Variants in LAMA2 observed in about 807,000 individuals in gnomAD.
LAMA2 encodes the protein laminin subunit alpha-2.
A neutral mutation model predicts 364.8 loss-of-function variants in LAMA2; 269 were observed. The observed-to-expected ratio is 0.74, with a 90% confidence interval of 0.67 to 0.82. LAMA2 has a LOEUF of 0.82. LAMA2 is among the 40% of genes least tolerant of loss of function. LAMA2 has a pLI of 0.00. For synonymous variants in LAMA2, 1,379 were observed against 1,370.6 expected (o/e 1.01, Z -0.14); for missense variants, 3,807 against 3,873.2 (o/e 0.98, Z 0.45).
chr6:129,135,858 C>T (rs994680295), intron 4 of LAMA2, among the ~76,000 whole-genome samples: 1 of 152,160 alleles, frequency 6.6e-6, no homozygotes, highest in Non-Finnish European at 1.5e-5. Context: ...GATTGAGAAG[C>T]TCTATTTTGA....
At chr6:129,183,434 T>C (rs761939534) in intron 10 of LAMA2, among the ~76,000 whole-genome samples, 1 of 151,964 alleles carries the variant, frequency 6.6e-6, no homozygotes, top group Non-Finnish European at 1.5e-5. Context: ...GTCTGTATTT[T>C]CATCTTGTTT....
At chr6:129,474,654 C>A (rs1257072616) in intron 52 of LAMA2, among the ~76,000 whole-genome samples, 6 of 151,990 alleles carry the variant, frequency 3.9e-5, no homozygotes, top group African/African-American at 1.4e-4. Flanking sequence ...TTAAATACAG[C>A]CAAACCTAAG....
chr6:129,156,452 T>A (rs1200453011), intron 8 of LAMA2, among the ~76,000 whole-genome samples: 1 of 152,030 alleles, frequency 6.6e-6, no homozygotes, highest in African/African-American at 2.4e-5. Flanking sequence ...TTAAATAATT[T>A]TCCAATTATT....
chr6:129,085,691 G>A (rs1252647081), intron 3 of LAMA2, among the ~76,000 whole-genome samples: 2 of 152,080 alleles, frequency 1.3e-5, no homozygotes, highest in African/African-American at 2.4e-5. Context: ...TGAGTTCCAC[G>A]GGTCCTTTTG....
intron 1 of LAMA2, among the ~76,000 whole-genome samples, chr6:128,987,009 T>A (rs1783283057): frequency 6.6e-6 from 1 of 152,018 alleles, no homozygotes; most frequent in Non-Finnish European, 1.5e-5. Flanking sequence ...AAATAGTTTG[T>A]TTAAACAGTC....
intron 27 of LAMA2, among the ~76,000 whole-genome samples, chr6:129,319,364 T>C (rs767616516): frequency 1.3e-5 from 2 of 152,170 alleles, no homozygotes; most frequent in African/African-American, 4.8e-5. Flanking sequence ...CACTCACATT[T>C]TAAAAAGTGG....
At chr6:129,268,006 C>G (rs1224468678) in intron 16 of LAMA2, among the ~76,000 whole-genome samples, 1 of 152,100 alleles carries the variant, frequency 6.6e-6, no homozygotes, top group Admixed American at 6.6e-5. Flanking sequence ...ATTATACTCT[C>G]ATTTCCCTGA....
At chr6:128,905,756 G>A (rs942980929) in intron 1 of LAMA2, among the ~76,000 whole-genome samples, 1 of 151,632 alleles carries the variant, frequency 6.6e-6, no homozygotes, top group Non-Finnish European at 1.5e-5. Flanking sequence ...CTAGCATTAG[G>A]TATATCTCCC....
rs1018859446 is a variant in LAMA2 at position 129,165,054 on chromosome 6, G to A, written c.1207-522G>A. On this transcript the variant is annotated intron_variant, in intron 8 of 64. Transcript: ENST00000421865. The stretch of plus-strand genomic sequence containing the variant: ...AACTTAGTTAATTGAGATTCAGTGA[G>A]GTATATAAATAAGTCTAATTTTAAC... 4.6e-5 allele frequency among the ~76,000 whole-genome samples: 7 copies of A among 152,030 alleles called. No individual in the cohort carries two copies. In the East Asian group the frequency reaches 1.4e-3, roughly 29 times the overall value.
At chr6:129,401,392 C>A in intron 38 of LAMA2, 52 bp downstream of exon 38, 1 of 1,135,266 alleles carries the variant, frequency 8.8e-7, no homozygotes, top group Non-Finnish European at 1.3e-6. Flanking sequence ...AAATGGGAGC[C>A]GATGAGAAAG....
chr6:129,079,711 A>G (rs1231738840), intron 3 of LAMA2, among the ~76,000 whole-genome samples: 1 of 152,176 alleles, frequency 6.6e-6, no homozygotes, highest in Non-Finnish European at 1.5e-5. Flanking sequence ...AGCAGTGAAG[A>G]ATGCCCATGT....
chr6:129,445,873 T>C (rs760399320), intron 45 of LAMA2, 52 bp downstream of exon 45: 1 of 1,511,240 alleles, frequency 6.6e-7, no homozygotes, highest in Non-Finnish European at 9.2e-7. Flanking sequence ...TGTTGGATTA[T>C]TCATAGAGGG....
At chr6:129,336,376 C>T (rs1487254010) in intron 29 of LAMA2, among the ~76,000 whole-genome samples, 1 of 152,084 alleles carries the variant, frequency 6.6e-6, no homozygotes, top group Non-Finnish European at 1.5e-5. Flanking sequence ...TATCTGAAAA[C>T]CTAGTTTTCT....
chr6:129,502,953 A>T (rs1410627366), intron 59 of LAMA2, 138 bp from the exon 60 acceptor site: 1 of 934,294 alleles, frequency 1.1e-6, no homozygotes, highest in Admixed American at 2.0e-5. Flanking sequence ...TTAGGAAATC[A>T]GTAGCCTGAT....
chr6:129,253,107 G>C (rs1425483424), intron 14 of LAMA2, among the ~76,000 whole-genome samples: 1 of 151,928 alleles, frequency 6.6e-6, no homozygotes, highest in East Asian at 1.9e-4. Context: ...CTGCTGTAAG[G>C]CGGCTTTGTT....
chr6:129,323,956 T>A (rs1775118781), intron 28 of LAMA2, among the ~76,000 whole-genome samples: 1 of 152,212 alleles, frequency 6.6e-6, no homozygotes, highest in African/African-American at 2.4e-5. Flanking sequence ...CTGATTTTTT[T>A]AAATCTCCAA....
At chr6:129,429,690 G>A (rs1271266253) in intron 41 of LAMA2, among the ~76,000 whole-genome samples, 3 of 152,140 alleles carry the variant, frequency 2.0e-5, no homozygotes, top group Non-Finnish European at 2.9e-5. Context: ...ACTCAATCCC[G>A]TGACTTTGCG....
At chr6:129,171,902 C>T (rs1780184177) in intron 9 of LAMA2, among the ~76,000 whole-genome samples, 1 of 109,684 alleles carries the variant, frequency 9.1e-6, no homozygotes, top group Non-Finnish European at 1.8e-5. Flanking sequence ...CTAAACTTCC[C>T]TTCTCACTTC....
chr6:128,909,459 C>T (rs1178883664), intron 1 of LAMA2, among the ~76,000 whole-genome samples: 6 of 150,478 alleles, frequency 4.0e-5, no homozygotes, highest in Non-Finnish European at 7.4e-5. Flanking sequence ...GGATTGCAAC[C>T]CCTGCCTTTT....
Sources: allele counts gnomAD v4.1 joint callset (sites outside exome capture counted in the v4.1 genomes callset), GRCh38; gene constraint gnomAD v4.1.1; transcripts MANE v1.5; gene names NCBI Gene and HGNC (gene_info 2026-07-23, HGNC 2026-07-21).